The following DSCAM variants were observed in gnomAD, a reference collection of about 807,000 sequenced individuals.
DSCAM encodes DS cell adhesion molecule.
DSCAM carries 47 observed loss-of-function variants against 217.7 expected under a neutral mutation model. The observed-to-expected ratio is 0.22, with a 90% CI of 0.17 to 0.28. The LOEUF is 0.28. DSCAM is among the 10% of genes least tolerant of loss of function. The pLI is 1.00. For missense variants in DSCAM, 2,080 were observed against 2,618.3 expected (o/e 0.79, Z 4.49); for synonymous variants, 1,056 against 1,015.3 (o/e 1.04, Z -0.76).
chr21:40,508,233 G>A (rs1206575719), intron 3 of DSCAM, among the ~76,000 whole-genome samples: 5 of 152,024 alleles, frequency 3.3e-5, no homozygotes, highest in Non-Finnish European at 7.4e-5. Context: ...TTCTATTTGC[G>A]AAAGCAAATC....
At chr21:40,842,286 T>C (rs1203214375) in intron 1 of DSCAM, among the ~76,000 whole-genome samples, 1 of 152,202 alleles carries the variant, frequency 6.6e-6, no homozygotes, top group Non-Finnish European at 1.5e-5. Context: ...GGCACACCCC[T>C]GGGTGCCTGC....
intron 26 of DSCAM, among the ~76,000 whole-genome samples, chr21:40,077,168 G>T (rs2089377626): frequency 6.6e-6 from 1 of 152,158 alleles, no homozygotes; most frequent in African/African-American, 2.4e-5. Flanking sequence ...GGGGCCATAG[G>T]ACAGAGCCCG....
At chr21:40,572,261 T>C (rs779031441) in intron 3 of DSCAM, among the ~76,000 whole-genome samples, 3 of 152,158 alleles carry the variant, frequency 2.0e-5, no homozygotes, top group Admixed American at 1.3e-4. Context: ...TAAAGTTTAG[T>C]ATAATTGAAA....
chr21:40,504,977 T>C (rs545288195), intron 3 of DSCAM, among the ~76,000 whole-genome samples: 2 of 152,316 alleles, frequency 1.3e-5, no homozygotes, highest in South Asian at 2.1e-4. Context: ...GGGCTGTTTA[T>C]ATGGTTCTCT....
At chr21:40,271,446 G>A (rs2073615433) in intron 11 of DSCAM, among the ~76,000 whole-genome samples, 2 of 152,192 alleles carry the variant, frequency 1.3e-5, no homozygotes, top group South Asian at 4.1e-4. Context: ...CCGGAAACAC[G>A]AGGCTTCAGA....
chr21:40,467,610 A>C (rs904941006), intron 3 of DSCAM, among the ~76,000 whole-genome samples: 2 of 152,214 alleles, frequency 1.3e-5, no homozygotes, highest in African/African-American at 4.8e-5. Context: ...TACTTTCCAG[A>C]AATGAAACTT....
At chr21:40,515,450 T>C (rs909559135) in intron 3 of DSCAM, among the ~76,000 whole-genome samples, 5 of 152,186 alleles carry the variant, frequency 3.3e-5, no homozygotes, top group Non-Finnish European at 7.3e-5. Flanking sequence ...GTAAACTGCA[T>C]ACATGATGTC....
chr21:40,640,787 C>T (rs541347742), intron 3 of DSCAM, among the ~76,000 whole-genome samples: 1 of 152,142 alleles, frequency 6.6e-6, no homozygotes, highest in Non-Finnish European at 1.5e-5. Context: ...AGAAAAGGAA[C>T]TACAGAATCA....
At chr21:40,373,525 C>T (rs1445721439) in intron 3 of DSCAM, among the ~76,000 whole-genome samples, 5 of 152,318 alleles carry the variant, frequency 3.3e-5, no homozygotes, top group African/African-American at 1.2e-4. Context: ...TTGTCCTTGT[C>T]TCCCTGGGAT....
chr21:40,118,570 A>G (rs543247487), intron 20 of DSCAM, among the ~76,000 whole-genome samples: 1 of 152,276 alleles, frequency 6.6e-6, no homozygotes, highest in Non-Finnish European at 1.5e-5. Flanking sequence ...CTGGCGACAG[A>G]GTGAAACTCC....
chr21:40,494,347 G>T (rs1037193346), intron 3 of DSCAM, among the ~76,000 whole-genome samples: 1 of 152,116 alleles, frequency 6.6e-6, no homozygotes, highest in East Asian at 1.9e-4. Flanking sequence ...AGACTGAAAG[G>T]CCATAAGTCT....
At chr21:40,098,455 T>A (rs1300720926) in intron 20 of DSCAM, among the ~76,000 whole-genome samples, 1 of 152,200 alleles carries the variant, frequency 6.6e-6, no homozygotes, top group African/African-American at 2.4e-5. Context: ...TTCACTGATG[T>A]CACAAGACCA....
At chr21:40,510,494 A>T (rs1241797108) in intron 3 of DSCAM, among the ~76,000 whole-genome samples, 1 of 152,200 alleles carries the variant, frequency 6.6e-6, no homozygotes, top group Non-Finnish European at 1.5e-5. Flanking sequence ...TTCGAAATCA[A>T]ACGTGACGAT....
chr21:40,304,355 A>G (rs1027129128), intron 9 of DSCAM, among the ~76,000 whole-genome samples: 1 of 152,222 alleles, frequency 6.6e-6, no homozygotes, highest in African/African-American at 2.4e-5. Flanking sequence ...CCCTGTATCA[A>G]GCTTGTACTT....
intron 3 of DSCAM, among the ~76,000 whole-genome samples, chr21:40,532,412 G>A (rs2076454328): frequency 6.6e-6 from 1 of 152,110 alleles, no homozygotes; most frequent in African/African-American, 2.4e-5. Context: ...CACTGAATGA[G>A]CAGACAACAT....
intron 11 of DSCAM, among the ~76,000 whole-genome samples, chr21:40,217,808 C>A (rs1200331975): frequency 6.6e-6 from 1 of 152,082 alleles, no homozygotes; most frequent in Non-Finnish European, 1.5e-5. Context: ...ACATATATGT[C>A]TTCTTTTGAG....
intron 1 of DSCAM, among the ~76,000 whole-genome samples, chr21:40,760,397 T>C (rs1383405498): frequency 1.3e-5 from 2 of 152,178 alleles, no homozygotes; most frequent in East Asian, 1.9e-4. Flanking sequence ...TTTTACATCA[T>C]GAAACTGAGG....
intron 3 of DSCAM, among the ~76,000 whole-genome samples, chr21:40,576,852 G>A (rs757905307): frequency 6.6e-6 from 1 of 151,908 alleles, no homozygotes; most frequent in African/African-American, 2.4e-5. Context: ...CTAAGATCAC[G>A]AAATATCTTT....
At chr21:40,429,637 T>C (rs2075511376) in intron 3 of DSCAM, among the ~76,000 whole-genome samples, 1 of 152,210 alleles carries the variant, frequency 6.6e-6, no homozygotes, top group South Asian at 2.1e-4. Context: ...CTGCCACTTG[T>C]AGTTTGGAAA....
Sources: gnomAD v4.1 joint callset for allele counts (sites outside exome capture counted in the v4.1 genomes callset) on GRCh38, gnomAD v4.1.1 for gene constraint, MANE v1.5 for transcripts, NCBI Gene and HGNC (gene_info 2026-07-23, HGNC 2026-07-21) for gene names.